The following WAC variants were observed in gnomAD, a reference collection of about 807,000 sequenced individuals.
WAC encodes WW domain-containing adapter protein with coiled-coil.
WAC carries 11 observed loss-of-function variants against 79.6 expected under a neutral mutation model. That is an observed-to-expected ratio of 0.14 (90% CI 0.09 to 0.23). WAC has a LOEUF of 0.23. Among genes scored for constraint, WAC ranks in the 10% least tolerant of loss-of-function variants. WAC has a pLI of 1.00. For synonymous variants in WAC, 304 were observed against 276.9 expected, an observed-to-expected ratio of 1.10 and a Z score of -0.97; for missense variants, 728 against 773.5, an observed-to-expected ratio of 0.94 and a Z score of 0.70.
At chr10:28,555,103 T>G (rs974961914) in intron 3 of WAC, among the ~76,000 whole-genome samples, 11 of 152,304 alleles carry the variant, frequency 7.2e-5, no homozygotes, top group African/African-American at 2.6e-4. Flanking sequence ...AGTTTCCCAA[T>G]TGCCAGGCCA....
At chr10:28,598,729 C>T (rs145523512) in intron 7 of WAC, among the ~76,000 whole-genome samples, 5 of 152,326 alleles carry the variant, frequency 3.3e-5, no homozygotes, top group Admixed American at 3.3e-4. Flanking sequence ...TAATGAAAGA[C>T]ATAACATACA....
At chr10:28,607,989 G>GA (rs1228867379) in intron 7 of WAC, among the ~76,000 whole-genome samples, 197 bp from the exon 8 acceptor site, 7 of 152,128 alleles carry the variant, frequency 4.6e-5, no homozygotes, top group Non-Finnish European at 7.4e-5. Flanking sequence ...TCTTACCTAT[G>GA]AAATAGGGTG....
At chr10:28,586,092 G>A (rs1334466392) in intron 4 of WAC, among the ~76,000 whole-genome samples, 1 of 152,044 alleles carries the variant, frequency 6.6e-6, no homozygotes, top group Non-Finnish European at 1.5e-5. Flanking sequence ...TGTACCTAGT[G>A]GGAATGATAC....
intron 6 of WAC, chr10:28,591,154 C>T: frequency 3.7e-6 from 1 of 269,858 alleles, no homozygotes; most frequent in Non-Finnish European, 7.1e-6. Flanking sequence ...TACCTGCCTG[C>T]CCTTAAGTTG....
rs866645405 is a variant in WAC at position 28,603,974 on chromosome 10, T to A, written c.920-4212T>A. ...ATATGTATGTATGTATATATATATA[T>A]ATATATATATATATGTATATATATA... On this transcript the variant is annotated intron_variant, in intron 7 of 13. Coordinates refer to ENST00000354911, the MANE Select transcript of WAC (RefSeq NM_016628.5). Among the ~76,000 whole-genome samples the A allele has an allele frequency of 1.2e-3, 55 of 45,758 alleles. 8 individuals carry two copies. Among genetic ancestry groups the A allele is most frequent in the African/African-American group, 5.4e-3 (53 of 9,886 alleles). 30.0% of individuals were successfully genotyped at this position (45,758 alleles called of 152,430 possible). A position where few individuals can be genotyped will look rare whatever the true frequency, so the allele number is the denominator to read the frequency against.
chr10:28,622,001 C>G lies in WAC; in HGVS notation c.*2395C>G, dbSNP rs1841711741. On this transcript the variant is annotated 3_prime_UTR_variant, in exon 14 of 14. Coordinates refer to ENST00000354911, the MANE Select transcript of WAC (RefSeq NM_016628.5). Reference sequence around the variant, plus strand: ...CAAGCGATTCTCCTGCCTCGGCGTTCCGAGTAGCTGGGATTACAGGCATGC... The same window carrying G: ...CAAGCGATTCTCCTGCCTCGGCGTTGCGAGTAGCTGGGATTACAGGCATGC... 1 of 152,384 alleles carries G rather than the reference C, an allele frequency of 6.6e-6. No individual in the cohort carries two copies. The highest frequency in any genetic ancestry group is 2.1e-4 in the South Asian group (1 of 4,828). The allele number at this position is 152,384 out of a possible 1,614,324, so 9.4% of individuals were successfully genotyped here. A position where few individuals can be genotyped will look rare whatever the true frequency, so the allele number is the denominator to read the frequency against.
rs188075310 is a variant in WAC, at chr10:28,547,985, A to G, written c.274+12228A>G. ...GCTGAACCTGGAGTGTAGTGGCGCA[A>G]TCTTGGCTCACTGCAATCTCCGCCT... On this transcript the variant is annotated intron_variant, in intron 3 of 13. Coordinates refer to ENST00000354911, the MANE Select transcript of WAC (RefSeq NM_016628.5). Among the ~76,000 whole-genome samples, 5 of 149,714 alleles carry G rather than the reference A, an allele frequency of 3.3e-5. No individual in the cohort carries two copies. In the East Asian group the frequency reaches 5.9e-4, roughly 18 times the overall value.
intron 3 of WAC, among the ~76,000 whole-genome samples, chr10:28,545,383 G>A (rs1356112973): frequency 6.6e-6 from 1 of 152,172 alleles, no homozygotes; most frequent in African/African-American, 2.4e-5. Context: ...GGGAGGCTGA[G>A]GCAGGAGAAT....
In WAC at chr10:28,621,458, C is replaced by T. The variant is rs544983896; in HGVS notation, c.*1852C>T. Reference sequence around the variant, plus strand: ...GATAGTGTTGGTGTTTTCTAAAATACAAAAATGTTCCAGTGTAATTAAAAG... The same window carrying T: ...GATAGTGTTGGTGTTTTCTAAAATATAAAAATGTTCCAGTGTAATTAAAAG... On this transcript the variant is annotated 3_prime_UTR_variant, in exon 14 of 14. Transcript: ENST00000354911. The T allele has an allele frequency of 3.3e-5, 5 of 152,184 alleles. No homozygotes were observed. Among genetic ancestry groups the T allele is most frequent in the African/African-American group, 1.2e-4 (5 of 41,534 alleles). 9.4% of individuals were successfully genotyped at this position (152,184 alleles called of 1,614,324 possible). A position where few individuals can be genotyped will look rare whatever the true frequency, so the allele number is the denominator to read the frequency against.
chr10:28,595,601 G>A, intron 6 of WAC, 132 bp from the exon 7 acceptor site: 1 of 917,696 alleles, frequency 1.1e-6, no homozygotes, highest in Non-Finnish European at 1.6e-6. Context: ...TGGGTTTGCA[G>A]TTTTATAAAA....
chr10:28,608,225 C>A lies in WAC; in HGVS notation c.959C>A (p.Thr320Lys), dbSNP rs1279807321. Residue 320 changes from threonine to lysine, a missense_variant, in exon 8 of 14, where the codon ACA (threonine) becomes AAA (lysine). Coordinates refer to ENST00000354911, the MANE Select transcript of WAC (RefSeq NM_016628.5). Reference sequence around the variant, plus strand: ...GACAAACCCGTATCACATTCTTGCACAACTCCTTCCACGTCTTCTGCCTCT... The same window carrying A: ...GACAAACCCGTATCACATTCTTGCAAAACTCCTTCCACGTCTTCTGCCTCT... ...SGDKPVSHSC[T>K]TPSTSSASGL... 2 of 1,614,160 alleles carry A rather than the reference C, an allele frequency of 1.2e-6. No individual in the cohort carries two copies.
intron 3 of WAC, among the ~76,000 whole-genome samples, chr10:28,564,677 A>T (rs990264278): frequency 1.3e-5 from 2 of 152,220 alleles, no homozygotes; most frequent in African/African-American, 4.8e-5. Flanking sequence ...ATCTATTTTG[A>T]GATAATTGTA....
chr10:28,551,218 G>A (rs1204706593), intron 3 of WAC, among the ~76,000 whole-genome samples: 1 of 152,110 alleles, frequency 6.6e-6, no homozygotes, highest in East Asian at 1.9e-4. Flanking sequence ...CAGATTTAGT[G>A]TTCTATTTCC....
At chr10:28,554,368 A>G (rs527472559) in intron 3 of WAC, among the ~76,000 whole-genome samples, 5 of 152,340 alleles carry the variant, frequency 3.3e-5, no homozygotes, top group African/African-American at 4.8e-5. Context: ...CAAAATGCAG[A>G]TATCTAGAAT....
intron 3 of WAC, among the ~76,000 whole-genome samples, chr10:28,562,254 A>G (rs1200510167): frequency 3.9e-5 from 6 of 152,026 alleles, no homozygotes; most frequent in Non-Finnish European, 8.8e-5. Context: ...ACGGGGTTTC[A>G]CCATGTTAGC....
chr10:28,576,091 T>C (rs1444149409), intron 3 of WAC, among the ~76,000 whole-genome samples: 1 of 152,198 alleles, frequency 6.6e-6, no homozygotes, highest in Admixed American at 6.5e-5. Context: ...TAGTACACTC[T>C]TAGGATGTTT....
rs1836363365 is a variant in WAC, at chr10:28,533,158, C to CCAGCGG, written c.-420_-415dup. Among the ~76,000 whole-genome samples, 1 of 151,306 alleles carries CCAGCGG rather than the reference C, an allele frequency of 6.6e-6. No homozygotes were observed. Among genetic ancestry groups the CCAGCGG allele is most frequent in the African/African-American group, 2.4e-5 (1 of 41,234 alleles). Reference sequence around the variant, plus strand: ...AGTTGGTGGAGCGGCAGCGGCGGCACCAGCGGCGGCGGCGGCGGCGGGAGG... The same window carrying CCAGCGG: ...AGTTGGTGGAGCGGCAGCGGCGGCACCAGCGGCAGCGGCGGCGGCGGCGGCGGGAGG... On this transcript the variant is annotated 5_prime_UTR_variant, in exon 1 of 14. Coordinates refer to ENST00000354911, the MANE Select transcript of WAC (RefSeq NM_016628.5).
At chr10:28,571,054 TC>T (rs1267685766) in intron 3 of WAC, among the ~76,000 whole-genome samples, 1 of 141,052 alleles carries the variant, frequency 7.1e-6, no homozygotes, top group Non-Finnish European at 1.5e-5. Context: ...CCTCCTGGGT[TC>T]AGACGATTCT....
intron 11 of WAC, 73 bp downstream of exon 11, chr10:28,614,758 A>G: frequency 1.6e-6 from 2 of 1,220,008 alleles, no homozygotes; most frequent in Admixed American, 2.0e-5. Flanking sequence ...TGAATATTAT[A>G]TCTGTAAAAT....
Sources: gnomAD v4.1 joint callset for allele counts (sites outside exome capture counted in the v4.1 genomes callset) on GRCh38, gnomAD v4.1.1 for gene constraint, MANE v1.5 for transcripts, NCBI Gene and HGNC (gene_info 2026-07-23, HGNC 2026-07-21) for gene names.